The following PRMT3 variants were observed in gnomAD, a reference collection of about 807,000 sequenced individuals.
PRMT3 encodes the protein protein arginine N-methyltransferase 3.
PRMT3 carries 62 observed loss-of-function variants against 71.9 expected under a neutral mutation model. That is an observed-to-expected ratio of 0.86 (90% CI 0.70 to 1.07). The LOEUF (loss-of-function observed/expected upper bound fraction) is 1.07, where lower values mean the gene tolerates loss of function less well. Ranked by LOEUF, PRMT3 falls within the 50% of genes least tolerant of loss-of-function variation. The pLI, the probability that PRMT3 is intolerant of heterozygous loss-of-function variation, is 0.00. For missense variants in PRMT3, 663 were observed against 643.0 expected (o/e 1.03, Z -0.34); for synonymous variants, 213 against 220.4 (o/e 0.97, Z 0.30).
intron 11 of PRMT3, among the ~76,000 whole-genome samples, chr11:20,456,802 T>G (rs1850276753): frequency 1.3e-5 from 2 of 152,210 alleles, no homozygotes; most frequent in Admixed American, 1.3e-4. Context: ...AATTTGGAAT[T>G]GGAATGATCA....
chr11:20,467,237 A>T (rs1041333414), intron 13 of PRMT3, among the ~76,000 whole-genome samples: 1 of 152,210 alleles, frequency 6.6e-6, no homozygotes, highest in Non-Finnish European at 1.5e-5. Context: ...TAATATTATC[A>T]GAGGAAGGTA....
At chr11:20,467,071 C>G (rs1001866318) in intron 13 of PRMT3, among the ~76,000 whole-genome samples, 1 of 152,102 alleles carries the variant, frequency 6.6e-6, no homozygotes, top group Non-Finnish European at 1.5e-5. Flanking sequence ...TTACAGGTGT[C>G]TAGTTACTGC....
intron 9 of PRMT3, among the ~76,000 whole-genome samples, chr11:20,418,307 A>T (rs1849353079): frequency 6.6e-6 from 1 of 152,194 alleles, no homozygotes; most frequent in South Asian, 2.1e-4. Context: ...CCACTTGAGA[A>T]AACTAAGTAA....
intron 15 of PRMT3, among the ~76,000 whole-genome samples, chr11:20,506,322 A>G (rs1392602751): frequency 6.6e-6 from 1 of 152,230 alleles, no homozygotes; most frequent in African/African-American, 2.4e-5. Context: ...ATAGTTTTAT[A>G]TCATTTTCTT....
intron 8 of PRMT3, 135 bp from the exon 9 acceptor site, chr11:20,407,776 A>G (rs904512271): frequency 3.6e-6 from 3 of 844,562 alleles, no homozygotes; most frequent in African/African-American, 1.7e-5. Context: ...GGCGTGAGCC[A>G]CCGCGCCTGG....
rs116937659 is a variant in PRMT3 at position 20,431,399 on chromosome 11, A to G, written c.993+4534A>G. Among the ~76,000 whole-genome samples, 87 of 152,268 alleles carry G rather than the reference A, an allele frequency of 5.7e-4. No homozygotes were observed. The East Asian group carries it at 0.013, about 24-fold the overall frequency. On this transcript the variant is annotated intron_variant, in intron 10 of 15. Coordinates refer to ENST00000331079, the MANE Select transcript of PRMT3 (RefSeq NM_005788.4). ...TTGTGAGGATTAAATGAGTTAATAC[A>G]TGCAAATTTCTTAGAACAGTTTCTG...
rs1592331054 is a variant in PRMT3 at position 20,392,924 on chromosome 11, A to G, written c.325A>G (p.Ile109Val). ...TCCTACAGTTGAGTACATGAATTCC[A>G]TATACAACCCAGTGCCTTGGGAGAA... ...KNPTVEYMNS[I>V]YNPVPWEKEE... The change falls in exon 5 of 16, where the codon ATA becomes GTA. Residue 109 changes from isoleucine (I) to valine (V), a missense_variant. Coordinates refer to ENST00000331079, the MANE Select transcript of PRMT3 (RefSeq NM_005788.4). 1.2e-6 allele frequency: 2 copies of G among 1,603,428 alleles called. No individual in the cohort carries two copies. Among genetic ancestry groups the G allele is most frequent in the South Asian group, 1.1e-5 (1 of 90,798 alleles).
At chr11:20,434,789 G>A (rs1197711237) in intron 10 of PRMT3, among the ~76,000 whole-genome samples, 2 of 152,146 alleles carry the variant, frequency 1.3e-5, no homozygotes, top group Non-Finnish European at 2.9e-5. Flanking sequence ...CTGTAGCCCT[G>A]TGGTATAGTT....
intron 5 of PRMT3, 56 bp downstream of exon 5, chr11:20,393,055 CA>C: frequency 9.3e-7 from 1 of 1,080,782 alleles, no homozygotes; most frequent in Non-Finnish European, 1.4e-6. Context: ...TTGTTAACGG[CA>C]AAATGGAGGT....
chr11:20,435,074 TTTG>T (rs1425386687), intron 10 of PRMT3, among the ~76,000 whole-genome samples: 2 of 152,196 alleles, frequency 1.3e-5, no homozygotes, highest in Admixed American at 6.6e-5. Context: ...TGTTTTTGCT[TTTG>T]TTGTTTGTGC....
chr11:20,393,379 A>G (rs944608768), intron 5 of PRMT3, among the ~76,000 whole-genome samples: 1 of 152,222 alleles, frequency 6.6e-6, no homozygotes, highest in East Asian at 1.9e-4. Context: ...CCTGGTATAC[A>G]GGTGACAGAG....
chr11:20,397,797 C>A, intron 7 of PRMT3, 76 bp downstream of exon 7: 10 of 1,489,170 alleles, frequency 6.7e-6, no homozygotes, highest in Non-Finnish European at 9.0e-6. Flanking sequence ...TATATGTGTG[C>A]ACTATAGGAG....
chr11:20,495,303 A>C (rs930033154), intron 15 of PRMT3, among the ~76,000 whole-genome samples: 1 of 152,130 alleles, frequency 6.6e-6, no homozygotes, highest in Non-Finnish European at 1.5e-5. Context: ...GACATGAGCC[A>C]CCGCACCCAG....
At chr11:20,457,805 A>G (rs1051382739) in intron 11 of PRMT3, among the ~76,000 whole-genome samples, 3 of 152,194 alleles carry the variant, frequency 2.0e-5, no homozygotes, top group Admixed American at 6.5e-5. Context: ...TAGTATTTTC[A>G]TAACTGTCTA....
At chr11:20,410,668 A>G (rs1421176355) in intron 9 of PRMT3, among the ~76,000 whole-genome samples, 6 of 152,066 alleles carry the variant, frequency 3.9e-5, no homozygotes, top group Non-Finnish European at 8.8e-5. Context: ...CTTCTAAAGT[A>G]TATTTGTCAC....
Position 20,395,836 on chromosome 11 carries a change from C to A in PRMT3, c.434C>A (p.Pro145His), listed in dbSNP as rs755139546. The A allele has an allele frequency of 6.2e-7, 1 of 1,613,608 alleles. No homozygotes were observed. Residue 145 changes from proline (P) to histidine (H), a missense_variant, in exon 6 of 16, where the codon CCC becomes CAC. By Grantham distance (77) the Pro-to-His change is moderately conservative (BLOSUM62 -2). Coordinates refer to ENST00000331079, the MANE Select transcript of PRMT3 (RefSeq NM_005788.4). ...VEDLYEPVSV[P>H]FSYPNGLSEN... ...GATCTTTATGAACCGGTGTCAGTAC[C>A]CTTCTCATACCCCAATGGACTCAGT...
At chr11:20,456,634 C>T (rs1194241116) in intron 11 of PRMT3, among the ~76,000 whole-genome samples, 1 of 151,976 alleles carries the variant, frequency 6.6e-6, no homozygotes, top group Non-Finnish European at 1.5e-5. Context: ...AAAATCTCCC[C>T]ATTTTGATCT....
intron 10 of PRMT3, among the ~76,000 whole-genome samples, chr11:20,443,712 C>T (rs1849960188): frequency 6.6e-6 from 1 of 152,170 alleles, no homozygotes; most frequent in African/African-American, 2.4e-5. Context: ...TAGAGATTCA[C>T]TTTTTCCTTT....
chr11:20,424,229 A>AT (rs1849493069), intron 9 of PRMT3, among the ~76,000 whole-genome samples: 1 of 147,062 alleles, frequency 6.8e-6, no homozygotes, highest in Non-Finnish European at 1.5e-5. Flanking sequence ...ATGATCAAGA[A>AT]TAGCCAGAAG....
Sources: gnomAD v4.1 joint callset for allele counts (sites outside exome capture counted in the v4.1 genomes callset) on GRCh38, gnomAD v4.1.1 for gene constraint, MANE v1.5 for transcripts, NCBI Gene and HGNC (gene_info 2026-07-23, HGNC 2026-07-21) for gene names.